Variants in ZSWIM6 observed in about 807,000 individuals in gnomAD.
ZSWIM6 encodes zinc finger SWIM-type containing 6.
ZSWIM6 carries 9 observed loss-of-function variants against 113.2 expected under a neutral mutation model. The observed-to-expected ratio is 0.08, with a 90% confidence interval of 0.05 to 0.14. ZSWIM6 has a LOEUF of 0.14. Among genes scored for constraint, ZSWIM6 ranks in the 10% least tolerant of loss-of-function variants. The pLI is 1.00. For missense variants in ZSWIM6, 1,162 were observed against 1,552.2 expected, an observed-to-expected ratio of 0.75 and a Z score of 4.22; for synonymous variants, 611 against 606.5, an observed-to-expected ratio of 1.01 and a Z score of -0.11.
intron 1 of ZSWIM6, among the ~76,000 whole-genome samples, chr5:61,411,666 T>C (rs1390639284): frequency 6.6e-6 from 1 of 152,190 alleles, no homozygotes; most frequent in African/African-American, 2.4e-5. Context: ...AAGATCAAGG[T>C]GCCATCAGAT....
At chr5:61,414,040 G>A (rs1250279975) in intron 1 of ZSWIM6, among the ~76,000 whole-genome samples, 1 of 151,982 alleles carries the variant, frequency 6.6e-6, no homozygotes, top group Non-Finnish European at 1.5e-5. Context: ...TACCAGATGG[G>A]GTAGGAGAAA....
At chr5:61,532,118 G>T (rs1749451258) in intron 9 of ZSWIM6, among the ~76,000 whole-genome samples, 1 of 152,146 alleles carries the variant, frequency 6.6e-6, no homozygotes, top group Admixed American at 6.6e-5. Context: ...GTAATTGGCT[G>T]GCCTTCCTCC....
intron 1 of ZSWIM6, among the ~76,000 whole-genome samples, chr5:61,457,853 A>T (rs550518973): frequency 3.3e-5 from 5 of 152,240 alleles, no homozygotes; most frequent in Admixed American, 6.5e-5. Context: ...ATCTGATGAT[A>T]CTGAAGTACT....
chr5:61,478,693 GTGTGTGTGTGTT>G (rs1283084890), intron 2 of ZSWIM6, among the ~76,000 whole-genome samples: 1 of 144,474 alleles, frequency 6.9e-6, no homozygotes, highest in East Asian at 2.0e-4. Flanking sequence ...GTGTGAGTGT[GTGTGTGTGTGTT>G]TGTGTGTGTG....
chr5:61,461,389 A>G (rs997678985), intron 1 of ZSWIM6, among the ~76,000 whole-genome samples: 5 of 152,250 alleles, frequency 3.3e-5, no homozygotes, highest in Non-Finnish European at 7.3e-5. Flanking sequence ...AAAAGAGGGA[A>G]CAAGAAATAG....
intron 2 of ZSWIM6, among the ~76,000 whole-genome samples, chr5:61,474,865 T>C (rs1747667669): frequency 6.6e-6 from 1 of 152,218 alleles, no homozygotes; most frequent in Non-Finnish European, 1.5e-5. Flanking sequence ...GTATTTCTTC[T>C]AGTACTCCCC....
intron 1 of ZSWIM6, among the ~76,000 whole-genome samples, chr5:61,342,257 T>C (rs950090151): frequency 6.6e-6 from 1 of 152,192 alleles, no homozygotes; most frequent in Non-Finnish European, 1.5e-5. Context: ...TCTTTAACAC[T>C]TCTACAACAT....
chr5:61,406,130 A>G (rs1322197813), intron 1 of ZSWIM6, among the ~76,000 whole-genome samples: 2 of 152,142 alleles, frequency 1.3e-5, no homozygotes, highest in South Asian at 2.1e-4. Flanking sequence ...ACACACAGGT[A>G]CTTTGAACTT....
intron 1 of ZSWIM6, among the ~76,000 whole-genome samples, chr5:61,380,282 GC>G (rs760689926): frequency 1.3e-5 from 2 of 152,070 alleles, no homozygotes; most frequent in Non-Finnish European, 2.9e-5. Flanking sequence ...CGCCCTGTTG[GC>G]CAGGCTGGTC....
At chr5:61,363,998 CTTTCT>C (rs796117656) in intron 1 of ZSWIM6, among the ~76,000 whole-genome samples, 19 of 126,882 alleles carry the variant, frequency 1.5e-4, no homozygotes, top group South Asian at 2.9e-4. Context: ...CCCTTTCCTT[CTTTCT>C]TTTCTTTTCT....
chr5:61,528,547 G>T (rs1297881056), intron 7 of ZSWIM6, among the ~76,000 whole-genome samples: 1 of 150,992 alleles, frequency 6.6e-6, no homozygotes, highest in Non-Finnish European at 1.5e-5. Flanking sequence ...AGGAATCTAG[G>T]ACTCGACTTA....
At chr5:61,340,467 C>T (rs1031453350) in intron 1 of ZSWIM6, among the ~76,000 whole-genome samples, 1 of 152,144 alleles carries the variant, frequency 6.6e-6, no homozygotes, top group Non-Finnish European at 1.5e-5. Context: ...TACAGATCCA[C>T]AGTTCATTTC....
At chr5:61,417,799 A>C (rs1002322472) in intron 1 of ZSWIM6, among the ~76,000 whole-genome samples, 1 of 152,222 alleles carries the variant, frequency 6.6e-6, no homozygotes, top group African/African-American at 2.4e-5. Flanking sequence ...TAGATTGTTT[A>C]TCTGTGAATT....
Position 61,543,418 on chromosome 5 carries a change from C to T in ZSWIM6, c.2786-37C>T. The T allele has an allele frequency of 6.6e-7, 1 of 1,521,910 alleles. No individual in the cohort carries two copies. The highest frequency in any genetic ancestry group is 8.8e-7 in the Non-Finnish European group (1 of 1,131,648). The allele number at this position is 1,521,910 out of a possible 1,614,324, so 94.3% of individuals were successfully genotyped here. A position where few individuals can be genotyped will look rare whatever the true frequency, so the allele number is the denominator to read the frequency against. ...ATAAGGCAGGACCTCTGGGCAGCCTCCTCGTCAGTAATAGAGCCTGTTTGT... is the reference window on the plus strand; with the variant it reads ...ATAAGGCAGGACCTCTGGGCAGCCTTCTCGTCAGTAATAGAGCCTGTTTGT... On this transcript the variant is annotated intron_variant, in intron 13 of 13. Coordinates refer to ENST00000252744, the MANE Select transcript of ZSWIM6 (RefSeq NM_020928.2). This position sits in a 1 kb window ranked among gnomAD's most constrained non-coding sequence, Gnocchi z 4.3.
chr5:61,505,757 C>G (rs1396000648), intron 4 of ZSWIM6, among the ~76,000 whole-genome samples: 1 of 139,636 alleles, frequency 7.2e-6, no homozygotes, highest in African/African-American at 2.7e-5. Context: ...CTCTTTCTTT[C>G]TTTCTTTTTT....
intron 2 of ZSWIM6, among the ~76,000 whole-genome samples, chr5:61,478,940 G>A (rs2112195205): frequency 6.6e-6 from 1 of 152,264 alleles, no homozygotes; most frequent in South Asian, 2.1e-4. Context: ...GGAGGCCAAG[G>A]TGAGTGGATC....
At chr5:61,376,998 A>C (rs1745385861) in intron 1 of ZSWIM6, among the ~76,000 whole-genome samples, 1 of 149,684 alleles carries the variant, frequency 6.7e-6, no homozygotes, top group African/African-American at 2.5e-5. Flanking sequence ...GCTGTGTCTT[A>C]TTGCCAGAAT....
chr5:61,385,253 T>C (rs532367724), intron 1 of ZSWIM6, among the ~76,000 whole-genome samples: 37 of 152,204 alleles, frequency 2.4e-4, no homozygotes, highest in Non-Finnish European at 4.6e-4. Context: ...GAGAAATATT[T>C]TTATCAAAAG....
At chr5:61,414,162 G>A (rs1746197970) in intron 1 of ZSWIM6, among the ~76,000 whole-genome samples, 1 of 152,060 alleles carries the variant, frequency 6.6e-6, no homozygotes, top group Admixed American at 6.6e-5. Flanking sequence ...TGTTGGTGAG[G>A]GCAAGAGTGG....
Sources: allele counts gnomAD v4.1 joint callset (sites outside exome capture counted in the v4.1 genomes callset), GRCh38; gene constraint gnomAD v4.1.1; non-coding constraint Gnocchi (gnomAD v3.1); transcripts MANE v1.5; gene names NCBI Gene and HGNC (gene_info 2026-07-23, HGNC 2026-07-21).